ZNF600: variants seen among roughly 807,000 people sequenced by gnomAD.
ZNF600 encodes the protein zinc finger protein 600, also known as zinc finger protein KR-ZNF1.
Under a neutral mutation model 7.3 loss-of-function variants are expected in ZNF600, and 4 were observed. The ratio of observed to expected loss-of-function variants is 0.55; its 90% CI spans 0.27 to 1.25. The LOEUF is 1.25. Ranked by LOEUF, ZNF600 falls within the 50% of genes most tolerant of loss-of-function variation. The pLI is 0.12. For synonymous variants in ZNF600, 290 were observed against 308.9 expected, an observed-to-expected ratio of 0.94 and a Z score of 0.64; for missense variants, 911 against 922.1, an observed-to-expected ratio of 0.99 and a Z score of 0.16.
At chr19:52,818,000 C>T in the ZNF600 span, 28 of 1,609,898 alleles carry the variant, frequency 1.7e-5, no homozygotes, top group Middle Eastern at 1.6e-4. Context: ...TGGGTTTCTT[C>T]CTCACGTACC....
the ZNF600 span, among the ~76,000 whole-genome samples, chr19:52,821,118 AGAG>A: frequency 3.3e-5 from 5 of 152,138 alleles, no homozygotes; most frequent in South Asian, 6.2e-4. Context: ...GGGCCCAGCA[AGAG>A]GAGGAGGGAG....
chr19:52,767,581 G>A (rs753697360), exon 4 of ZNF600: 5 of 1,613,720 alleles, frequency 3.1e-6, no homozygotes, highest in Non-Finnish European at 3.4e-6. Flanking sequence ...TTTGTCATGG[G>A]TGCTTCATGG....
At chr19:52,773,176 T>C (rs1030769314) in intron 3 of ZNF600, among the ~76,000 whole-genome samples, 7 of 152,290 alleles carry the variant, frequency 4.6e-5, no homozygotes, top group African/African-American at 1.7e-4. Context: ...GTAATGGGCA[T>C]GTAGGAGTGA....
the ZNF600 span, chr19:52,800,218 T>G: frequency 6.2e-7 from 1 of 1,613,628 alleles, no homozygotes; most frequent in Non-Finnish European, 8.5e-7. Context: ...GTATGAAGTT[T>G]ATGATGACAT....
the ZNF600 span, among the ~76,000 whole-genome samples, chr19:52,815,922 A>C: frequency 6.8e-6 from 1 of 147,462 alleles, no homozygotes; most frequent in Non-Finnish European, 1.5e-5. Context: ...CTCTGTAACA[A>C]ACCTTCACAT....
At chr19:52,801,330 G>C in the ZNF600 span, 10 of 1,614,128 alleles carry the variant, frequency 6.2e-6, no homozygotes, top group Non-Finnish European at 8.5e-6. Context: ...TGAAACTGAG[G>C]AAGCATTGTT....
the ZNF600 span, among the ~76,000 whole-genome samples, chr19:52,806,733 C>T: frequency 2.6e-5 from 4 of 151,860 alleles, no homozygotes; most frequent in East Asian, 7.7e-4. Context: ...GAAACACTGT[C>T]TCTACTAAAA....
chr19:52,830,186 T>C, the ZNF600 span, among the ~76,000 whole-genome samples: 12 of 152,042 alleles, frequency 7.9e-5, no homozygotes, highest in Non-Finnish European at 1.8e-4. Flanking sequence ...GGCAGGAGAA[T>C]AGCTTGAACC....
intron 1 of ZNF600, 132 bp from the exon 2 acceptor site, chr19:52,781,596 CT>C (rs1316872305): frequency 6.6e-6 from 1 of 152,122 alleles, no homozygotes; most frequent in African/African-American, 2.4e-5. Context: ...TAAACCCCAT[CT>C]CTACCAAAAA....
the ZNF600 span, among the ~76,000 whole-genome samples, chr19:52,806,618 A>C: frequency 2.2e-5 from 3 of 135,554 alleles, no homozygotes; most frequent in East Asian, 6.4e-4. Context: ...AATAATAACA[A>C]TGGTTAGGCA....
exon 4 of ZNF600, chr19:52,765,499 T>C: frequency 1.3e-6 from 2 of 1,597,144 alleles, no homozygotes; most frequent in Non-Finnish European, 1.7e-6. Flanking sequence ...CCACATTTAT[T>C]ACACTTGTTA....
the ZNF600 span, among the ~76,000 whole-genome samples, chr19:52,829,001 C>G: frequency 6.6e-6 from 1 of 152,084 alleles, no homozygotes; most frequent in South Asian, 2.1e-4. Flanking sequence ...GCTGGGAACA[C>G]AGGCGCCTGC....
At chr19:52,767,028 A>T (rs765405086) in exon 4 of ZNF600, 3 of 1,613,914 alleles carry the variant, frequency 1.9e-6, no homozygotes, top group Non-Finnish European at 2.5e-6. Context: ...GTGAGATTTT[A>T]CTGCAGTGTG....
At chr19:52,766,294 G>A in exon 4 of ZNF600, 1 of 1,614,148 alleles carries the variant, frequency 6.2e-7, no homozygotes, top group East Asian at 2.2e-5. Context: ...ATTCTAGTAT[G>A]TTTTGCCAGA....
At chr19:52,809,005 T>C in the ZNF600 span, among the ~76,000 whole-genome samples, 236 of 152,266 alleles carry the variant, frequency 1.5e-3, 2 homozygotes, top group Middle Eastern at 6.8e-3. Context: ...TATATATGTA[T>C]TTGTATGTAT....
At chr19:52,769,672 T>C (rs1455538219) in intron 3 of ZNF600, among the ~76,000 whole-genome samples, 1 of 152,174 alleles carries the variant, frequency 6.6e-6, no homozygotes, top group Non-Finnish European at 1.5e-5. Flanking sequence ...GTGTATTTAT[T>C]TCTACAGTCT....
chr19:52,767,996 A>G (rs2062602468), intron 3 of ZNF600, among the ~76,000 whole-genome samples: 1 of 152,208 alleles, frequency 6.6e-6, no homozygotes, highest in Non-Finnish European at 1.5e-5. Flanking sequence ...ATCACAAAAC[A>G]CTGACAGGGC....
chr19:52,791,526 C>T (rs1455064974), upstream of ZNF600, among the ~76,000 whole-genome samples: 1 of 152,124 alleles, frequency 6.6e-6, no homozygotes, highest in South Asian at 2.1e-4. Flanking sequence ...GGCTCCTTTC[C>T]TTTCCTCTTC....
the ZNF600 span, among the ~76,000 whole-genome samples, chr19:52,804,972 A>T: frequency 2.6e-5 from 4 of 152,222 alleles, no homozygotes; most frequent in African/African-American, 9.6e-5. Context: ...AACATGTTTT[A>T]AAAAACTTGA....
Sources: allele counts gnomAD v4.1 joint callset (sites outside exome capture counted in the v4.1 genomes callset), GRCh38; gene constraint gnomAD v4.1.1; transcripts MANE v1.5; gene names NCBI Gene and HGNC (gene_info 2026-07-23, HGNC 2026-07-21).